Variants in SIRPG observed in about 807,000 individuals in gnomAD.
The protein encoded by SIRPG is signal-regulatory protein gamma.
A neutral mutation model predicts 35.7 loss-of-function variants in SIRPG; 38 were observed. The observed-to-expected ratio is 1.06, with a 90% confidence interval of 0.82 to 1.40. The LOEUF (loss-of-function observed/expected upper bound fraction) is 1.40. Among genes scored for constraint, SIRPG ranks in the 40% most tolerant of loss-of-function variants. The pLI is 0.00. For synonymous variants in SIRPG, 215 were observed against 190.4 expected (o/e 1.13, Z -1.06); for missense variants, 519 against 483.0 (o/e 1.07, Z -0.70).
chr20:1,666,687 A>G, the SIRPG span: 1 of 152,216 alleles, frequency 6.6e-6, no homozygotes, highest in Non-Finnish European at 1.5e-5. Context: ...AGCATGGCCA[A>G]GGTGTATGGT....
At chr20:1,686,232 T>G in the SIRPG span, among the ~76,000 whole-genome samples, 1 of 152,050 alleles carries the variant, frequency 6.6e-6, no homozygotes, top group Non-Finnish European at 1.5e-5. Context: ...TGACCTACCT[T>G]GGGAGCACTT....
upstream of SIRPG, among the ~76,000 whole-genome samples, chr20:1,660,069 C>T (rs551892445): frequency 2.1e-4 from 32 of 152,242 alleles, no homozygotes; most frequent in African/African-American, 6.7e-4. Context: ...ACTTAATGAT[C>T]TTATAAGGAA....
chr20:1,668,150 T>TTC, the SIRPG span, among the ~76,000 whole-genome samples: 15 of 113,108 alleles, frequency 1.3e-4, no homozygotes, highest in African/African-American at 4.2e-4. Flanking sequence ...TTCTTTTCTT[T>TTC]TTTTCTTTTC....
At chr20:1,671,356 C>A in the SIRPG span, among the ~76,000 whole-genome samples, 2 of 152,156 alleles carry the variant, frequency 1.3e-5, no homozygotes, top group Non-Finnish European at 2.9e-5. Context: ...GCTGGAAAGG[C>A]TCTGAGAGGT....
At position 1,629,201 on chromosome 20, in the gene SIRPG, T is replaced by C. The variant is rs1359039555; in HGVS notation, c.*438A>G. The C allele has an allele frequency of 1.3e-5, 2 of 152,210 alleles. No homozygotes were observed. The highest frequency in any genetic ancestry group is 2.9e-5 in the Non-Finnish European group (2 of 68,070). 9.4% of individuals were successfully genotyped at this position (152,210 alleles called of 1,614,324 possible). A position where few individuals can be genotyped will look rare whatever the true frequency, so the allele number is the denominator to read the frequency against. ...TAAAACCACTTTGGGAGTGCATTTGTATTCAAGAGGCAATAGAGAACCTCA... is the reference window on the plus strand; with the variant it reads ...TAAAACCACTTTGGGAGTGCATTTGCATTCAAGAGGCAATAGAGAACCTCA... On this transcript the variant is annotated 3_prime_UTR_variant, in exon 6 of 6. Transcript: ENST00000303415.
upstream of SIRPG, among the ~76,000 whole-genome samples, chr20:1,660,919 T>C (rs955506996): frequency 2.6e-5 from 4 of 152,194 alleles, no homozygotes; most frequent in East Asian, 7.7e-4. Flanking sequence ...AGCTGTGTGA[T>C]CCTGGGGTCA....
At chr20:1,643,203 C>G (rs1223472449) in intron 2 of SIRPG, among the ~76,000 whole-genome samples, 1 of 152,206 alleles carries the variant, frequency 6.6e-6, no homozygotes, top group African/African-American at 2.4e-5. Context: ...CTTTCAGGTA[C>G]TCCAATCAAT....
At chr20:1,646,383 C>T (rs1176418021) in intron 2 of SIRPG, 2 of 152,312 alleles carry the variant, frequency 1.3e-5, no homozygotes, top group Non-Finnish European at 2.9e-5. Flanking sequence ...GTAGGAAATA[C>T]CTCATCTCCT....
intron 2 of SIRPG, among the ~76,000 whole-genome samples, chr20:1,638,005 T>C (rs1364070466): frequency 6.6e-6 from 1 of 152,226 alleles, no homozygotes; most frequent in Non-Finnish European, 1.5e-5. Flanking sequence ...CATGCAAACA[T>C]TTTATGGGCA....
chr20:1,634,903 C>A (rs557698712), intron 4 of SIRPG, among the ~76,000 whole-genome samples: 1 of 151,562 alleles, frequency 6.6e-6, no homozygotes, highest in Non-Finnish European at 1.5e-5. Flanking sequence ...ATTAGTCGGG[C>A]GTGGTGGCGG....
chr20:1,657,860 T>C (rs779761289), upstream of SIRPG: 5 of 678,464 alleles, frequency 7.4e-6, no homozygotes, highest in Non-Finnish European at 1.2e-5. Flanking sequence ...TGCTTCTAGA[T>C]TGTGACTTAC....
chr20:1,673,810 A>G, the SIRPG span, among the ~76,000 whole-genome samples: 1 of 152,216 alleles, frequency 6.6e-6, no homozygotes, highest in African/African-American at 2.4e-5. Flanking sequence ...CCTCCATGAC[A>G]TCTTCGTGTG....
chr20:1,672,823 G>A, the SIRPG span, among the ~76,000 whole-genome samples: 1 of 152,084 alleles, frequency 6.6e-6, no homozygotes, highest in Non-Finnish European at 1.5e-5. Flanking sequence ...TTTGGAATCT[G>A]GGTCTTCAGT....
chr20:1,641,781 G>T (rs1163122949), intron 2 of SIRPG, among the ~76,000 whole-genome samples: 1 of 152,050 alleles, frequency 6.6e-6, no homozygotes, highest in Non-Finnish European at 1.5e-5. Context: ...CAGAGATTCT[G>T]GTATGTTGTC....
rs116047714 is a variant in SIRPG, at chr20:1,652,689, A to G, written c.74-3281T>C. Among the ~76,000 whole-genome samples the G allele has an allele frequency of 1.0e-2, 1,523 of 152,348 alleles. 28 individuals carry two copies. The highest frequency in any genetic ancestry group is 0.034 in the African/African-American group (1,430 of 41,562). ...ACGATGAAAACAATAAAAAGGATAT[A>G]TGAATACTTTCACAAGATGATAACA... On this transcript the variant is annotated intron_variant, in intron 1 of 5. Coordinates refer to ENST00000303415, the MANE Select transcript of SIRPG (RefSeq NM_018556.4).
At chr20:1,656,433 C>T (rs1160594641) in intron 1 of SIRPG, among the ~76,000 whole-genome samples, 1 of 152,132 alleles carries the variant, frequency 6.6e-6, no homozygotes, top group Non-Finnish European at 1.5e-5. Context: ...AGGAAGAGAG[C>T]AATTGCTGAA....
At chr20:1,659,295 A>C (rs750994918), upstream of SIRPG, among the ~76,000 whole-genome samples, 33 of 152,346 alleles carry the variant, frequency 2.2e-4, no homozygotes, top group Non-Finnish European at 4.0e-4. Context: ...TCTGTCATGA[A>C]TAATTGTCAA....
At chr20:1,629,711 T>C (rs55810216) in intron 5 of SIRPG, 75 bp from the exon 6 acceptor site, 2,727 of 156,496 alleles carry the variant, frequency 0.017, 70 homozygotes, top group African/African-American at 0.061. Context: ...TGTTATGTTC[T>C]CGGGGCTGGT....
At chr20:1,637,320 T>A in intron 2 of SIRPG, 1 of 219,494 alleles carries the variant, frequency 4.6e-6, no homozygotes, top group Middle Eastern at 1.8e-3. Context: ...GATGTTGCTG[T>A]AGACCTGGAT....
Sources: allele counts gnomAD v4.1 joint callset (sites outside exome capture counted in the v4.1 genomes callset), GRCh38; gene constraint gnomAD v4.1.1; transcripts MANE v1.5; gene names NCBI Gene and HGNC (gene_info 2026-07-23, HGNC 2026-07-21).